AFAP1L2: variants seen among roughly 807,000 people sequenced by gnomAD.
AFAP1L2 encodes actin filament-associated protein 1-like 2.
A neutral mutation model predicts 99.3 loss-of-function variants in AFAP1L2; 46 were observed. The ratio of observed to expected loss-of-function variants is 0.46; its 90% confidence interval spans 0.37 to 0.59. AFAP1L2 has a LOEUF of 0.59. AFAP1L2 is among the 20% of genes least tolerant of loss of function. The pLI is 0.00. For synonymous variants in AFAP1L2, 397 were observed against 419.1 expected (o/e 0.95, Z 0.64); for missense variants, 959 against 1,034.9 (o/e 0.93, Z 1.01).
chr10:114,355,648 C>G (rs562962470), intron 1 of AFAP1L2, among the ~76,000 whole-genome samples: 16 of 151,982 alleles, frequency 1.1e-4, no homozygotes, highest in African/African-American at 3.9e-4. Flanking sequence ...GAATGCATAC[C>G]ATCTAATAAA....
intron 5 of AFAP1L2, among the ~76,000 whole-genome samples, chr10:114,321,466 T>A (rs1157163855): frequency 6.6e-6 from 1 of 152,226 alleles, no homozygotes; most frequent in Non-Finnish European, 1.5e-5. Context: ...TAGTATTCTG[T>A]GGTGTGTATG....
intron 1 of AFAP1L2, among the ~76,000 whole-genome samples, chr10:114,382,450 C>T (rs971489980): frequency 1.3e-5 from 2 of 151,850 alleles, no homozygotes; most frequent in Admixed American, 6.6e-5. Flanking sequence ...TATCAGGGAC[C>T]GGGAAGGGTG....
chr10:114,307,124 C>T (rs1170578749), intron 10 of AFAP1L2, among the ~76,000 whole-genome samples: 1 of 152,166 alleles, frequency 6.6e-6, no homozygotes, highest in African/African-American at 2.4e-5. Context: ...CTCCTCCTAA[C>T]CTCAGTTTCC....
intron 16 of AFAP1L2, among the ~76,000 whole-genome samples, chr10:114,298,668 G>A (rs972591661): frequency 6.6e-6 from 1 of 152,156 alleles, no homozygotes; most frequent in African/African-American, 2.4e-5. Context: ...GGGCAACATT[G>A]CAAGACCCCA....
At chr10:114,290,056 T>G (rs1378436527), downstream of AFAP1L2, 1 of 642,958 alleles carries the variant, frequency 1.6e-6, no homozygotes, top group Admixed American at 3.0e-5. Context: ...TCTCCATGAG[T>G]CTGTAGGAGA....
downstream of AFAP1L2, chr10:114,291,437 C>T: frequency 1.6e-6 from 1 of 611,306 alleles, no homozygotes; most frequent in South Asian, 2.2e-5. Flanking sequence ...TGCTTAGAGA[C>T]AAGAAAGCAG....
Position 114,330,927 on chromosome 10 carries a change from G to T in AFAP1L2, c.315+876C>A, listed in dbSNP as rs76504261. On this transcript the variant is annotated intron_variant, in intron 4 of 18. Transcript: ENST00000304129. ...GGTAGATAGCAACCCAGGTGCAGAT[G>T]GGGGAGGGATGCCTTACTTAGCCAG... Among the ~76,000 whole-genome samples, 1,345 of 152,266 alleles carry T rather than the reference G, an allele frequency of 8.8e-3. 19 individuals carry two copies. Among genetic ancestry groups the T allele is most frequent in the African/African-American group, 0.03 (1,252 of 41,534 alleles).
At chr10:114,304,626 C>T in intron 11 of AFAP1L2, 93 bp downstream of exon 11, 4 of 1,206,298 alleles carry the variant, frequency 3.3e-6, no homozygotes, top group Non-Finnish European at 3.4e-6. Context: ...CATTGATTCT[C>T]CCTTAGTAGC....
chr10:114,307,385 C>G (rs112260031), intron 10 of AFAP1L2, among the ~76,000 whole-genome samples: 1 of 152,010 alleles, frequency 6.6e-6, no homozygotes, highest in African/African-American at 2.4e-5. Context: ...CTGATAGCTA[C>G]GAAGATGGCA....
At chr10:114,290,559 G>T (rs978627111), downstream of AFAP1L2, among the ~76,000 whole-genome samples, 1 of 152,254 alleles carries the variant, frequency 6.6e-6, no homozygotes, top group Non-Finnish European at 1.5e-5. Flanking sequence ...GAACATAGCA[G>T]TAAACAAATG....
In AFAP1L2 at chr10:114,380,761, A is replaced by G. The variant is rs569513100; in HGVS notation, c.16+23679T>C. Reference sequence around the variant, plus strand: ...AAGACATTGAGAAGACATTACTACAATGGGGTATCCATCTGGAAAAATGCA... The same window carrying G: ...AAGACATTGAGAAGACATTACTACAGTGGGGTATCCATCTGGAAAAATGCA... On this transcript the variant is annotated intron_variant, in intron 1 of 18. Transcript: ENST00000304129. Among the ~76,000 whole-genome samples, 33 of 152,364 alleles carry G rather than the reference A, an allele frequency of 2.2e-4. No individual in the cohort carries two copies. The South Asian group carries it at 6.8e-3, about 32-fold the overall frequency.
At chr10:114,332,780 C>T (rs957898944) in intron 3 of AFAP1L2, among the ~76,000 whole-genome samples, 3 of 152,326 alleles carry the variant, frequency 2.0e-5, no homozygotes, top group Middle Eastern at 3.4e-3. Context: ...CTAAACGTTC[C>T]GCCAAAGTCA....
intron 1 of AFAP1L2, among the ~76,000 whole-genome samples, chr10:114,365,904 T>C (rs1223465684): frequency 1.1e-5 from 1 of 93,586 alleles, no homozygotes; most frequent in Non-Finnish European, 2.4e-5. Flanking sequence ...TAATTTTTAA[T>C]TTTTTTTTGT....
At chr10:114,325,001 G>A (rs546482540) in intron 4 of AFAP1L2, among the ~76,000 whole-genome samples, 33 of 152,298 alleles carry the variant, frequency 2.2e-4, no homozygotes, top group African/African-American at 7.9e-4. Context: ...ATCCCTTCCA[G>A]CTTCCCCAGG....
At chr10:114,347,323 A>G (rs1381302200) in intron 1 of AFAP1L2, among the ~76,000 whole-genome samples, 1 of 152,166 alleles carries the variant, frequency 6.6e-6, no homozygotes, top group Non-Finnish European at 1.5e-5. Flanking sequence ...GCTTCTGGAA[A>G]AATACACTCC....
intron 4 of AFAP1L2, among the ~76,000 whole-genome samples, chr10:114,324,707 T>G (rs2045975896): frequency 6.6e-6 from 1 of 152,284 alleles, no homozygotes; most frequent in East Asian, 1.9e-4. Context: ...TCAAGGAGGC[T>G]CCACGTGAAA....
Position 114,315,733 on chromosome 10 carries a change from A to T in AFAP1L2, c.439T>A (p.Ser147Thr). The T allele has an allele frequency of 1.9e-6, 3 of 1,613,158 alleles. No individual in the cohort carries two copies. Among genetic ancestry groups the T allele is most frequent in the Non-Finnish European group, 2.5e-6 (3 of 1,179,904 alleles). The change falls in exon 6 of 19, where the codon TCC (serine) becomes ACC (threonine). Residue 147 changes from serine to threonine, a missense_variant. By Grantham distance (58) the Ser-to-Thr change is moderately conservative. Coordinates refer to ENST00000304129, the MANE Select transcript of AFAP1L2 (RefSeq NM_001001936.3). Reference protein sequence around the residue: ...DGEAVSSSYESYDEEDGSKGK... With the variant: ...DGEAVSSSYETYDEEDGSKGK... ...TTGCTGCCGTCCTCTTCATCGTAGG[A>T]CTCGTAGGAGCTGCTCACAGCCTCT...
At chr10:114,351,050 G>A (rs560544065) in intron 1 of AFAP1L2, among the ~76,000 whole-genome samples, 81 of 152,300 alleles carry the variant, frequency 5.3e-4, no homozygotes, top group Non-Finnish European at 4.3e-4. Flanking sequence ...ATCTCCCTGC[G>A]CGGCAAGTCC....
At chr10:114,369,610 A>C (rs1313894387) in intron 1 of AFAP1L2, among the ~76,000 whole-genome samples, 8 of 147,356 alleles carry the variant, frequency 5.4e-5, no homozygotes, top group African/African-American at 1.5e-4. Flanking sequence ...AAAAAAAAAA[A>C]AAAAACTTTT....
Sources: allele counts gnomAD v4.1 joint callset (sites outside exome capture counted in the v4.1 genomes callset), GRCh38; gene constraint gnomAD v4.1.1; transcripts MANE v1.5; gene names NCBI Gene and HGNC (gene_info 2026-07-23, HGNC 2026-07-21).